SGCD: variants seen among roughly 807,000 people sequenced by gnomAD.
The protein encoded by SGCD is delta-sarcoglycan.
Under a neutral mutation model 36.6 loss-of-function variants are expected in SGCD, and 18 were observed. The observed-to-expected ratio is 0.49, with a 90% confidence interval of 0.34 to 0.73. The LOEUF (loss-of-function observed/expected upper bound fraction) is 0.73, where lower values mean the gene tolerates loss of function less well. Ranked by LOEUF, SGCD falls within the 30% of genes least tolerant of loss-of-function variation. SGCD has a pLI of 0.01. For synonymous variants in SGCD, 133 were observed against 130.6 expected (o/e 1.02, Z -0.12); for missense variants, 387 against 346.7 (o/e 1.12, Z -0.92).
intron 6 of SGCD, among the ~76,000 whole-genome samples, chr5:156,645,899 A>G (rs1236074968): frequency 6.6e-6 from 1 of 152,186 alleles, no homozygotes; most frequent in Non-Finnish European, 1.5e-5. Flanking sequence ...AGAATCATAA[A>G]CATTATATAA....
chr5:155,969,333 G>C (rs963336146), intron 1 of SGCD, among the ~76,000 whole-genome samples: 1 of 152,112 alleles, frequency 6.6e-6, no homozygotes, highest in Non-Finnish European at 1.5e-5. Flanking sequence ...TATTCAGTTA[G>C]AATTAAAGCA....
At chr5:155,997,595 G>A (rs1170140461) in intron 1 of SGCD, among the ~76,000 whole-genome samples, 1 of 152,244 alleles carries the variant, frequency 6.6e-6, no homozygotes, top group Non-Finnish European at 1.5e-5. Context: ...TTTTAAGTGA[G>A]TCCTTGGCTT....
At chr5:155,883,427 C>A (rs1755931267) in intron 1 of SGCD, among the ~76,000 whole-genome samples, 1 of 152,124 alleles carries the variant, frequency 6.6e-6, no homozygotes, top group South Asian at 2.1e-4. Context: ...ACATGCAACT[C>A]TTTCTTTCAA....
intron 3 of SGCD, among the ~76,000 whole-genome samples, chr5:156,239,126 A>T (rs1305961168): frequency 1.3e-5 from 2 of 152,046 alleles, no homozygotes; most frequent in African/African-American, 4.8e-5. Context: ...GAGGCTGGGC[A>T]TGGTGGCTCA....
At chr5:156,555,465 G>C (rs1372645262) in intron 4 of SGCD, among the ~76,000 whole-genome samples, 1 of 152,052 alleles carries the variant, frequency 6.6e-6, no homozygotes, top group Admixed American at 6.6e-5. Context: ...AGCATCATTT[G>C]TTGAAAAGAC....
chr5:156,085,282 G>T (rs2127592601), intron 1 of SGCD, among the ~76,000 whole-genome samples: 1 of 152,280 alleles, frequency 6.6e-6, no homozygotes, highest in Middle Eastern at 3.4e-3. Flanking sequence ...GTAACCCCCA[G>T]TGCTGGAGGT....
the SGCD span, among the ~76,000 whole-genome samples, chr5:155,858,401 T>C: frequency 6.6e-6 from 1 of 152,176 alleles, no homozygotes; most frequent in Non-Finnish European, 1.5e-5. Flanking sequence ...GTTATGTCAA[T>C]TATCACTCAG....
chr5:156,027,279 G>T (rs1759243103), intron 1 of SGCD, among the ~76,000 whole-genome samples: 1 of 152,056 alleles, frequency 6.6e-6, no homozygotes, highest in Non-Finnish European at 1.5e-5. Flanking sequence ...TCCAAGTTGG[G>T]CACCAAGTTT....
intron 7 of SGCD, among the ~76,000 whole-genome samples, chr5:156,752,857 C>T (rs1053575617): frequency 6.6e-6 from 1 of 152,160 alleles, no homozygotes. Context: ...CAGCTGTCCC[C>T]GTAGACAGCA....
the SGCD span, among the ~76,000 whole-genome samples, chr5:155,812,420 T>C: frequency 2.6e-5 from 4 of 152,226 alleles, no homozygotes; most frequent in East Asian, 7.7e-4. Flanking sequence ...GCATTGTCTT[T>C]ACACAATCCT....
intron 3 of SGCD, among the ~76,000 whole-genome samples, chr5:156,274,774 T>C (rs1326398414): frequency 2.0e-5 from 3 of 152,188 alleles, no homozygotes; most frequent in Non-Finnish European, 4.4e-5. Flanking sequence ...GCCATGCTCC[T>C]AGCTTCTCCA....
intron 7 of SGCD, among the ~76,000 whole-genome samples, chr5:156,724,549 G>A (rs1755675048): frequency 6.6e-6 from 1 of 152,004 alleles, no homozygotes; most frequent in East Asian, 1.9e-4. Flanking sequence ...GGAGCTTGCA[G>A]TGAGCCAAGA....
At position 156,765,695 on chromosome 5, in the gene SGCD, C is replaced by T. The variant is rs966496984; in HGVS notation, c.*6305C>T. 6.6e-6 allele frequency: 1 copy of T among 152,092 alleles called. No homozygotes were observed. Among genetic ancestry groups the T allele is most frequent in the Non-Finnish European group, 1.5e-5 (1 of 68,006 alleles). 9.4% of individuals were successfully genotyped at this position (152,092 alleles called of 1,614,324 possible). A position where few individuals can be genotyped will look rare whatever the true frequency, so the allele number is the denominator to read the frequency against. ...CAATATTCGGATGTGAAAACTGAGG[C>T]TTATAGTGGCTAAGAAACTTGCCCA... On this transcript the variant is annotated 3_prime_UTR_variant, in exon 9 of 9. Transcript: ENST00000337851.
At chr5:155,947,425 T>TG (rs1274774569) in intron 1 of SGCD, among the ~76,000 whole-genome samples, 1 of 151,894 alleles carries the variant, frequency 6.6e-6, no homozygotes, top group Non-Finnish European at 1.5e-5. Context: ...TAAAAAAAGA[T>TG]GGAACTTTTT....
upstream of SGCD, among the ~76,000 whole-genome samples, chr5:155,868,260 C>T (rs758330687): frequency 6.6e-6 from 1 of 151,956 alleles, no homozygotes; most frequent in Non-Finnish European, 1.5e-5. Flanking sequence ...CCATGTTGCC[C>T]AGGTTGGTCT....
At chr5:156,105,660 C>T (rs753247992) in intron 1 of SGCD, among the ~76,000 whole-genome samples, 7 of 152,046 alleles carry the variant, frequency 4.6e-5, no homozygotes, top group Admixed American at 2.0e-4. Context: ...ACTTGCAGGA[C>T]GTGTAATCAA....
chr5:156,200,083 C>A (rs546208145), intron 3 of SGCD, among the ~76,000 whole-genome samples: 2 of 152,184 alleles, frequency 1.3e-5, no homozygotes, highest in South Asian at 4.1e-4. Flanking sequence ...TGTTAAAATG[C>A]TCATACTACA....
At chr5:156,149,744 C>T (rs773566924) in intron 3 of SGCD, among the ~76,000 whole-genome samples, 2 of 152,148 alleles carry the variant, frequency 1.3e-5, no homozygotes, top group Non-Finnish European at 2.9e-5. Flanking sequence ...CATGCCCTGC[C>T]TGAAGGAGGC....
At chr5:156,673,530 C>T (rs1158826513) in intron 7 of SGCD, among the ~76,000 whole-genome samples, 1 of 152,150 alleles carries the variant, frequency 6.6e-6, no homozygotes, top group East Asian at 1.9e-4. Context: ...AGATGAGTTT[C>T]CAGTTCTTTG....
Sources: allele counts gnomAD v4.1 joint callset (sites outside exome capture counted in the v4.1 genomes callset), GRCh38; gene constraint gnomAD v4.1.1; transcripts MANE v1.5; gene names NCBI Gene and HGNC (gene_info 2026-07-23, HGNC 2026-07-21).